The following FER variants were observed in gnomAD, a reference collection of about 807,000 sequenced individuals.
The protein encoded by FER is tyrosine-protein kinase Fer.
In FER, 63 loss-of-function variants were observed where a neutral mutation model predicts 111.0. The observed-to-expected ratio is 0.57, with a 90% confidence interval of 0.46 to 0.70. FER has a LOEUF of 0.70. FER is among the 30% of genes least tolerant of loss of function. FER has a pLI of 0.00. For synonymous variants in FER, 327 were observed against 313.9 expected (o/e 1.04, Z -0.44); for missense variants, 914 against 954.0 (o/e 0.96, Z 0.55).
At chr5:109,149,997 C>T (rs190629705) in intron 17 of FER, among the ~76,000 whole-genome samples, 3 of 152,042 alleles carry the variant, frequency 2.0e-5, no homozygotes, top group Non-Finnish European at 4.4e-5. Flanking sequence ...ACTGCACATG[C>T]GAGAGATCTA....
intron 13 of FER, 75 bp downstream of exon 13, chr5:108,959,422 A>T: frequency 6.8e-7 from 1 of 1,479,012 alleles, no homozygotes; most frequent in Non-Finnish European, 9.1e-7. Context: ...AACAGTAAAT[A>T]AAATTCTTAG....
intron 5 of FER, among the ~76,000 whole-genome samples, chr5:108,865,869 A>G (rs919365634): frequency 6.6e-6 from 1 of 152,222 alleles, no homozygotes; most frequent in African/African-American, 2.4e-5. Flanking sequence ...AGAAATGCAA[A>G]TCAAAACCAC....
At chr5:109,017,055 G>A (rs12188107) in intron 13 of FER, among the ~76,000 whole-genome samples, 8,749 of 152,038 alleles carry the variant, frequency 0.058, 387 homozygotes, top group South Asian at 0.12. Flanking sequence ...ATGATACTTT[G>A]TTATGGCAGC....
chr5:109,068,942 G>C (rs1393515047), intron 16 of FER, among the ~76,000 whole-genome samples: 2 of 152,172 alleles, frequency 1.3e-5, no homozygotes, highest in East Asian at 3.8e-4. Flanking sequence ...TGAAAACTCA[G>C]TAATTTCACA....
intron 5 of FER, among the ~76,000 whole-genome samples, chr5:108,844,709 G>C (rs1761703857): frequency 2.0e-5 from 3 of 151,862 alleles, no homozygotes; most frequent in East Asian, 3.9e-4. Flanking sequence ...TTCTGTCACT[G>C]TATAGTTTGG....
intron 13 of FER, among the ~76,000 whole-genome samples, chr5:109,035,420 A>G (rs905810293): frequency 1.3e-5 from 2 of 152,192 alleles, no homozygotes; most frequent in Non-Finnish European, 2.9e-5. Flanking sequence ...GTCTAGATTT[A>G]TTAACTCAGC....
intron 10 of FER, among the ~76,000 whole-genome samples, chr5:108,899,068 G>A (rs995506272): frequency 6.7e-6 from 1 of 149,430 alleles, no homozygotes; most frequent in African/African-American, 2.5e-5. Context: ...TGATTAAGTG[G>A]GTTCATATGT....
chr5:109,033,981 G>A (rs1770009811), intron 13 of FER, among the ~76,000 whole-genome samples: 1 of 151,918 alleles, frequency 6.6e-6, no homozygotes, highest in Non-Finnish European at 1.5e-5. Flanking sequence ...CTTATTTTTG[G>A]TAGTGAGATC....
chr5:109,155,658 AG>A (rs905574774), intron 17 of FER, among the ~76,000 whole-genome samples: 1 of 152,034 alleles, frequency 6.6e-6, no homozygotes, highest in Non-Finnish European at 1.5e-5. Context: ...ATTTTTCACA[AG>A]AGTGAAAATA....
rs754991471 is a variant in FER at position 109,187,518 on chromosome 5, C to A, written c.2412C>A (p.Arg804=). The A allele has an allele frequency of 1.9e-5, 31 of 1,613,908 alleles. No homozygotes were observed. The highest frequency in any genetic ancestry group is 2.6e-5 in the Non-Finnish European group (31 of 1,179,984). Residue 804 remains arginine (R), a synonymous_variant, in exon 20 of 20, where the codon CGC becomes CGA. Transcript: ENST00000281092. ...GTTGGGATTATAAACCTGAAAATCG[C>A]CCTAAGTTCAGTGAACTTCAGAAAG... ...MKCWDYKPEN[R]PKFSELQKEL...
intron 17 of FER, among the ~76,000 whole-genome samples, chr5:109,111,042 AG>A (rs1182239282): frequency 6.6e-6 from 1 of 152,148 alleles, no homozygotes; most frequent in Non-Finnish European, 1.5e-5. Flanking sequence ...TCTTAGCTAC[AG>A]TTTTTTATAT....
At position 109,086,740 on chromosome 5, in the gene FER, G is replaced by A. The variant is rs1473963376; in HGVS notation, c.1925-13656G>A. 2.0e-5 allele frequency among the ~76,000 whole-genome samples: 3 copies of A among 151,220 alleles called. No individual in the cohort carries two copies. The East Asian group carries it at 5.8e-4, about 29-fold the overall frequency. ...TTTGAATCATGTTCTAATTTTTCTTGTGGTTTCTTTCATTCTTGTCTTTTC... is the reference window on the plus strand; with the variant it reads ...TTTGAATCATGTTCTAATTTTTCTTATGGTTTCTTTCATTCTTGTCTTTTC... On this transcript the variant is annotated intron_variant, in intron 16 of 19. Coordinates refer to ENST00000281092, the MANE Select transcript of FER (RefSeq NM_005246.4).
rs1364318029 is a variant in FER, at chr5:108,835,186, C to A, written c.382-522C>A. Among the ~76,000 whole-genome samples, 2 of 92,714 alleles carry A rather than the reference C, an allele frequency of 2.2e-5. 1 individual carries two copies. Among genetic ancestry groups the A allele is most frequent in the Non-Finnish European group, 4.3e-5 (2 of 46,030 alleles). The allele number at this position is 92,714 out of a possible 152,430, so 60.8% of individuals were successfully genotyped here. A position where few individuals can be genotyped will look rare whatever the true frequency, so the allele number is the denominator to read the frequency against. ...AGTGTTATTTCTTCGTTTGCGCCAC[C>A]CCCCCCCCCCCACTTTTTTTTTGAG... On this transcript the variant is annotated intron_variant, in intron 4 of 19. Coordinates refer to ENST00000281092, the MANE Select transcript of FER (RefSeq NM_005246.4).
intron 16 of FER, among the ~76,000 whole-genome samples, chr5:109,060,159 G>A (rs1774200982): frequency 6.6e-6 from 1 of 152,288 alleles, no homozygotes; most frequent in Non-Finnish European, 1.5e-5. Context: ...GGGCTGGGGT[G>A]TAGATGGGGA....
intron 18 of FER, among the ~76,000 whole-genome samples, chr5:109,184,818 T>C (rs1001523911): frequency 6.6e-6 from 1 of 152,228 alleles, no homozygotes; most frequent in Non-Finnish European, 1.5e-5. Flanking sequence ...GCAGTTATTA[T>C]AGCAGGCATA....
intron 6 of FER, among the ~76,000 whole-genome samples, chr5:108,869,599 G>A (rs1316843937): frequency 2.0e-5 from 3 of 152,066 alleles, no homozygotes; most frequent in Admixed American, 6.6e-5. Context: ...TGAAGACAGA[G>A]GCAGAGATTG....
chr5:108,988,721 T>C (rs1220242256), intron 13 of FER, among the ~76,000 whole-genome samples: 1 of 152,152 alleles, frequency 6.6e-6, no homozygotes, highest in Non-Finnish European at 1.5e-5. Context: ...TTTATCTATC[T>C]TTTCAAAGAA....
At chr5:108,787,894 C>T (rs1754919240) in intron 2 of FER, among the ~76,000 whole-genome samples, 1 of 152,234 alleles carries the variant, frequency 6.6e-6, no homozygotes, top group Admixed American at 6.5e-5. Context: ...CTGCCTTGCT[C>T]ATCCTCCAGT....
rs143451014 is a variant in FER, at chr5:109,087,738, G to T, written c.1925-12658G>T. ...ATTTATTTGCTTATTTTGCCTCAAT[G>T]TATGGACTTTAAATATTAATCAGCC... On this transcript the variant is annotated intron_variant, in intron 16 of 19. Coordinates refer to ENST00000281092, the MANE Select transcript of FER (RefSeq NM_005246.4). 2.4e-3 allele frequency among the ~76,000 whole-genome samples: 361 copies of T among 151,488 alleles called. 1 individual carries two copies. Among genetic ancestry groups the T allele is most frequent in the African/African-American group, 8.4e-3 (347 of 41,356 alleles).
Sources: allele counts gnomAD v4.1 joint callset (sites outside exome capture counted in the v4.1 genomes callset), GRCh38; gene constraint gnomAD v4.1.1; transcripts MANE v1.5; gene names NCBI Gene and HGNC (gene_info 2026-07-23, HGNC 2026-07-21).